Variants in SYT12 observed in about 807,000 individuals in gnomAD.
SYT12 encodes the protein synaptotagmin 12.
In SYT12, 27 loss-of-function variants were observed where a neutral mutation model predicts 39.5. The ratio of observed to expected loss-of-function variants is 0.68; its 90% CI spans 0.50 to 0.94. The LOEUF is 0.94. Ranked by LOEUF, SYT12 falls within the 40% of genes least tolerant of loss-of-function variation. The probability of loss-of-function intolerance (pLI) is 0.00; values close to 1 mark genes in which losing one functional copy is unlikely to be tolerated. For synonymous variants in SYT12, 233 were observed against 239.7 expected (o/e 0.97, Z 0.26); for missense variants, 536 against 572.6 (o/e 0.94, Z 0.65).
chr11:67,035,648 G>A (rs1442477889), intron 3 of SYT12, among the ~76,000 whole-genome samples: 39 of 150,732 alleles, frequency 2.6e-4, no homozygotes, highest in Non-Finnish European at 4.7e-4. Flanking sequence ...TAGTAGAGAC[G>A]GGGTTTCACC....
At chr11:67,030,003 C>A in intron 1 of SYT12, 119 bp from the exon 2 acceptor site, 1 of 775,586 alleles carries the variant, frequency 1.3e-6, no homozygotes, top group Non-Finnish European at 2.1e-6. Context: ...TGGTGGCACT[C>A]CCCTTATAGC....
intron 1 of SYT12, among the ~76,000 whole-genome samples, chr11:67,008,090 A>G (rs1174379357): frequency 6.6e-6 from 1 of 150,574 alleles, no homozygotes; most frequent in African/African-American, 2.4e-5. Flanking sequence ...AGTAGCTGGG[A>G]CTAGAGGCGC....
chr11:67,047,268 A>ATT (rs1168005453), intron 7 of SYT12, among the ~76,000 whole-genome samples: 38 of 130,012 alleles, frequency 2.9e-4, no homozygotes, highest in East Asian at 4.4e-4. Flanking sequence ...CCCACCCCCA[A>ATT]TTTTTTTTTT....
upstream of SYT12, among the ~76,000 whole-genome samples, chr11:67,021,004 C>T (rs796699905): frequency 1.8e-4 from 27 of 152,260 alleles, no homozygotes; most frequent in African/African-American, 6.5e-4. Context: ...GCTAGGATTA[C>T]AGGCGTGAGC....
chr11:67,007,724 C>T (rs1949982462), intron 1 of SYT12, among the ~76,000 whole-genome samples: 1 of 151,316 alleles, frequency 6.6e-6, no homozygotes, highest in Non-Finnish European at 1.5e-5. Flanking sequence ...GCCACCATGC[C>T]CAGCTAATTT....
intron 1 of SYT12, 177 bp from the exon 2 acceptor site, chr11:67,029,944 GC>G: frequency 1.7e-6 from 1 of 578,330 alleles, no homozygotes; most frequent in Non-Finnish European, 3.1e-6. Flanking sequence ...GTCTTAGAAT[GC>G]TTGAAAAGAG....
chr11:67,012,182 C>T (rs1010358958), intron 3 of SYT12, among the ~76,000 whole-genome samples: 10 of 151,390 alleles, frequency 6.6e-5, no homozygotes, highest in African/African-American at 2.4e-4. Context: ...ACCAGCCTGG[C>T]CAACATGGCG....
chr11:67,042,741 G>A (rs1376244252), intron 4 of SYT12, among the ~76,000 whole-genome samples: 2 of 152,210 alleles, frequency 1.3e-5, no homozygotes, highest in African/African-American at 4.8e-5. Context: ...AGGAGGTCAG[G>A]AGGCCAGGTG....
chr11:67,019,242 G>C (rs569298048), upstream of SYT12, among the ~76,000 whole-genome samples: 5 of 152,290 alleles, frequency 3.3e-5, no homozygotes, highest in Admixed American at 3.3e-4. Flanking sequence ...GGAGGCTGAG[G>C]TGGGTAGATC....
chr11:67,014,429 C>T (rs567736434), intron 3 of SYT12, among the ~76,000 whole-genome samples: 2 of 152,270 alleles, frequency 1.3e-5, no homozygotes, highest in East Asian at 1.9e-4. Flanking sequence ...AGTATGAGGG[C>T]GGGGAACAGG....
At chr11:67,021,957 T>C (rs1950114336), upstream of SYT12, 1 of 151,228 alleles carries the variant, frequency 6.6e-6, no homozygotes, top group Non-Finnish European at 1.5e-5. Context: ...CTTTTCTTTT[T>C]TTTTTTTTGA....
intron 4 of SYT12, 58 bp downstream of exon 4, chr11:67,040,261 G>A: frequency 2.0e-6 from 3 of 1,522,122 alleles, no homozygotes; most frequent in Non-Finnish European, 2.6e-6. Flanking sequence ...ATGCCTCCCA[G>A]GCAGGCATGG....
At chr11:67,023,961 C>A (rs1950147272) in intron 1 of SYT12, among the ~76,000 whole-genome samples, 1 of 152,244 alleles carries the variant, frequency 6.6e-6, no homozygotes, top group East Asian at 1.9e-4. Flanking sequence ...ATATGACCCT[C>A]AGCCGCCGGT....
chr11:67,018,451 G>A (rs1565327631), upstream of SYT12, among the ~76,000 whole-genome samples: 1 of 152,056 alleles, frequency 6.6e-6, no homozygotes, highest in African/African-American at 2.4e-5. Context: ...CTTGAGCCCT[G>A]TAATTCAAGT....
chr11:67,031,081 C>T (rs1450899232), intron 2 of SYT12: 1 of 152,464 alleles, frequency 6.6e-6, no homozygotes, highest in African/African-American at 2.4e-5. Flanking sequence ...GGGAGCCGCA[C>T]TTTTCACCCT....
chr11:67,044,768 C>T lies in SYT12; in HGVS notation c.958+55C>T, dbSNP rs556670700. The T allele has an allele frequency of 2.3e-5, 37 of 1,606,200 alleles. No homozygotes were observed. The East Asian group carries it at 8.1e-4, about 35-fold the overall frequency. ...CACGTAGCTCAGTGGAAGCTGTGGC[C>T]CAGCTGCTGTGCTGTGGGCACCCGG... On this transcript the variant is annotated intron_variant, in intron 6 of 7. Transcript: ENST00000527043.
intron 3 of SYT12, among the ~76,000 whole-genome samples, chr11:67,036,600 G>C (rs1950384547): frequency 6.6e-6 from 1 of 152,068 alleles, no homozygotes; most frequent in African/African-American, 2.4e-5. Context: ...AGGGTGTCTG[G>C]GGGGACTATC....
rs780066839 is a variant in SYT12, at chr11:67,016,275, C to A, written c.-69+5281C>A. On this transcript the variant is annotated intron_variant, in intron 3 of 10. Transcript: ENST00000393946. ...CAGCCTGGGCGACAGAGTGAGATTT[C>A]TGTCTCATTAAGAAAATAAATAAAT... is the stretch of plus-strand genomic sequence containing the variant. Among the ~76,000 whole-genome samples the A allele has an allele frequency of 4.6e-4, 70 of 152,116 alleles. 1 individual carries two copies. The highest frequency in any genetic ancestry group is 2.5e-3 in the Admixed American group (38 of 15,274).
At chr11:67,025,807 AG>A (rs1269887762) in intron 1 of SYT12, among the ~76,000 whole-genome samples, 1 of 151,736 alleles carries the variant, frequency 6.6e-6, no homozygotes, top group Admixed American at 6.6e-5. Context: ...TCCGTGGAGG[AG>A]GGGGTAGTAA....
Sources: allele counts gnomAD v4.1 joint callset (sites outside exome capture counted in the v4.1 genomes callset), GRCh38; gene constraint gnomAD v4.1.1; transcripts MANE v1.5; gene names NCBI Gene and HGNC (gene_info 2026-07-23, HGNC 2026-07-21).